Variants in COL5A1 observed in about 807,000 individuals in gnomAD.
The protein encoded by COL5A1 is collagen alpha-1(V) chain.
A neutral mutation model predicts 263.7 loss-of-function variants in COL5A1; 16 were observed. The observed-to-expected ratio is 0.06, with a 90% CI of 0.04 to 0.09. The LOEUF is 0.09. Ranked by LOEUF, COL5A1 falls within the 10% of genes least tolerant of loss-of-function variation. The pLI, the probability that COL5A1 is intolerant of heterozygous loss-of-function variation, is 1.00. For missense variants in COL5A1, 2,036 were observed against 2,540.5 expected (o/e 0.80, Z 4.27); for synonymous variants, 1,012 against 1,004.5 (o/e 1.01, Z -0.14).
intron 2 of COL5A1, among the ~76,000 whole-genome samples, chr9:134,693,507 T>C (rs1403893644): frequency 1.3e-5 from 2 of 152,114 alleles, no homozygotes; most frequent in African/African-American, 4.8e-5. Context: ...AATTGCCCCA[T>C]TCATGGCAGA....
In COL5A1 at chr9:134,809,257, C is replaced by A. The variant is rs755982747; in HGVS notation, c.3441C>A (p.Gly1147=). 5.0e-6 allele frequency: 8 copies of A among 1,608,700 alleles called. No individual in the cohort carries two copies. In the Admixed American group the frequency reaches 1.2e-4, roughly 24 times the overall value. Residue 1147 remains glycine, a synonymous_variant, in exon 43 of 66, where the codon GGC becomes GGA. Transcript: ENST00000371817. ...QGPVGLPGPA[G]PVGPPGEDGD... ...CTGTGGGGCTCCCGGGTCCAGCTGGCCCTGTGGGTCCCCCTGGAGAAGACG... is the reference window on the plus strand; with the variant it reads ...CTGTGGGGCTCCCGGGTCCAGCTGGACCTGTGGGTCCCCCTGGAGAAGACG...
At chr9:134,649,747 G>A (rs553443348) in intron 1 of COL5A1, among the ~76,000 whole-genome samples, 30 of 152,160 alleles carry the variant, frequency 2.0e-4, no homozygotes, top group Admixed American at 3.9e-4. Flanking sequence ...TGTTTATTGC[G>A]GCACTGTTCA....
intron 1 of COL5A1, among the ~76,000 whole-genome samples, chr9:134,649,785 A>T (rs1024432653): frequency 3.9e-5 from 6 of 152,198 alleles, no homozygotes; most frequent in Admixed American, 6.5e-5. Context: ...AACCAACCCA[A>T]ATGCCCATCA....
At chr9:134,723,394 G>T (rs1834537768) in intron 4 of COL5A1, among the ~76,000 whole-genome samples, 1 of 152,194 alleles carries the variant, frequency 6.6e-6, no homozygotes, top group Non-Finnish European at 1.5e-5. Context: ...TGGGCCTGAT[G>T]CCTGCAGGGA....
rs570630175 is a variant in COL5A1, at chr9:134,829,298, G to A, written c.5068-678G>A. ...TCCTCACATGGCCTCCAGTCTCTCC[G>A]AGGGCTGGGGCCAGGCTCCTCACAC... is the stretch of plus-strand genomic sequence containing the variant. On this transcript the variant is annotated intron_variant, in intron 63 of 65. Coordinates refer to ENST00000371817, the MANE Select transcript of COL5A1 (RefSeq NM_000093.5). Among the ~76,000 whole-genome samples the A allele has an allele frequency of 4.7e-3, 703 of 149,648 alleles. 8 individuals carry two copies. Among genetic ancestry groups the A allele is most frequent in the African/African-American group, 0.014 (562 of 39,900 alleles).
rs759464654 is a variant in COL5A1 at position 134,810,311 on chromosome 9, A to G, written c.3528+3A>G. The G allele has an allele frequency of 1.2e-6, 2 of 1,614,056 alleles. No homozygotes were observed. The highest frequency in any genetic ancestry group is 1.7e-5 in the Admixed American group (1 of 60,032). ...GCAAGGGGGACAAAGGAGAACAGGT[A>G]AGTATTGGCACGGGGGCGCGCGGCA... On this transcript the variant is annotated splice_donor_region_variant and intron_variant, in intron 44 of 65. Transcript: ENST00000371817.
intron 1 of COL5A1, among the ~76,000 whole-genome samples, chr9:134,651,342 G>C (rs1401259426): frequency 6.6e-6 from 1 of 152,092 alleles, no homozygotes; most frequent in Non-Finnish European, 1.5e-5. Flanking sequence ...CACCTCTACA[G>C]AAATTTCAGA....
intron 4 of COL5A1, among the ~76,000 whole-genome samples, chr9:134,722,305 G>A (rs1433260255): frequency 2.0e-5 from 3 of 152,312 alleles, no homozygotes; most frequent in East Asian, 1.9e-4. Context: ...TCAGAGCGCC[G>A]GGCACCTGGG....
chr9:134,759,181 G>C (rs1052068817), intron 18 of COL5A1, among the ~76,000 whole-genome samples: 2 of 151,704 alleles, frequency 1.3e-5, no homozygotes, highest in African/African-American at 4.9e-5. Context: ...GGACATACAG[G>C]CACATGAGTA....
At chr9:134,827,556 C>G (rs552121510) in intron 63 of COL5A1, among the ~76,000 whole-genome samples, 1 of 152,370 alleles carries the variant, frequency 6.6e-6, no homozygotes, top group Non-Finnish European at 1.5e-5. Context: ...AAATGGGTGG[C>G]CTTGCCGCTG....
Position 134,707,000 on chromosome 9 carries a change from T to C in COL5A1, c.654+5667T>C, listed in dbSNP as rs117824602. Among the ~76,000 whole-genome samples, 1,001 of 152,300 alleles carry C rather than the reference T, an allele frequency of 6.6e-3. 5 individuals are homozygous for C. The highest frequency in any genetic ancestry group is 0.014 in the Middle Eastern group (4 of 294). On this transcript the variant is annotated intron_variant, in intron 4 of 65. Transcript: ENST00000371817. ...TGATCCGGAGGGCTCCATGCACCTC[T>C]CTAGAGTCTCACCTCATCTATGGGC...
At position 134,647,558 on chromosome 9, in the gene COL5A1, C is replaced by T. The variant is rs1424556340; in HGVS notation, c.109+5262C>T. On this transcript the variant is annotated intron_variant, in intron 1 of 65. Coordinates refer to ENST00000371817, the MANE Select transcript of COL5A1 (RefSeq NM_000093.5). This position sits in a 1 kb window ranked among gnomAD's most constrained non-coding sequence, Gnocchi z 5.0. ...CCCTGGCTGACTCCACGTGCAGGGC[C>T]TGGTGTGTTTGAGGAGCTCGTGGCA... 6.6e-6 allele frequency among the ~76,000 whole-genome samples: 1 copy of T among 152,162 alleles called. No individual in the cohort carries two copies. Among genetic ancestry groups the T allele is most frequent in the Non-Finnish European group, 1.5e-5 (1 of 68,040 alleles).
chr9:134,745,358 A>G (rs1216361465), intron 11 of COL5A1, among the ~76,000 whole-genome samples: 1 of 152,236 alleles, frequency 6.6e-6, no homozygotes, highest in African/African-American at 2.4e-5. Context: ...CGCCAAGTGC[A>G]CTATGCTGTA....
rs1328044743 is a variant in COL5A1, at chr9:134,652,785, G to T, written c.109+10489G>T. On this transcript the variant is annotated intron_variant, in intron 1 of 65. Transcript: ENST00000371817. The surrounding 1 kb of genome is among the most constrained non-coding windows in gnomAD (Gnocchi z 4.4). ...GGCCGGGTCCAGCGTTTCTCCTCAT[G>T]GTGTAGACCAGCAGTTCCCAAACTT... is the stretch of plus-strand genomic sequence containing the variant. 6 of 467,068 alleles carry T rather than the reference G, an allele frequency of 1.3e-5. No homozygotes were observed. The highest frequency in any genetic ancestry group is 2.7e-5 in the Non-Finnish European group (6 of 224,688). The allele number at this position is 467,068 out of a possible 1,614,324, so 28.9% of individuals were successfully genotyped here. A position where few individuals can be genotyped will look rare whatever the true frequency, so the allele number is the denominator to read the frequency against.
intron 2 of COL5A1, among the ~76,000 whole-genome samples, chr9:134,691,436 C>T (rs904285898): frequency 3.3e-5 from 5 of 152,094 alleles, no homozygotes; most frequent in Non-Finnish European, 5.9e-5. Flanking sequence ...AGAGAAACCT[C>T]GGGGTCGTGG....
At chr9:134,799,645 C>G (rs1182012999) in intron 37 of COL5A1, among the ~76,000 whole-genome samples, 1 of 152,134 alleles carries the variant, frequency 6.6e-6, no homozygotes, top group Non-Finnish European at 1.5e-5. Flanking sequence ...TGAAAAAATC[C>G]CCTTTGTCTC....
chr9:134,703,737 A>T lies in COL5A1; in HGVS notation c.654+2404A>T, dbSNP rs867766231. On this transcript the variant is annotated intron_variant, in intron 4 of 65. Transcript: ENST00000371817. ...ACTGCAAGCTCTGCCTCCCGGGTTC[A>T]CGCCATTCTCCTGCCTCAGCCTCTC... 5.0e-5 allele frequency among the ~76,000 whole-genome samples: 7 copies of T among 139,808 alleles called. No individual in the cohort carries two copies. In the South Asian group the frequency reaches 1.6e-3, roughly 32 times the overall value. The allele number at this position is 139,808 out of a possible 152,430, so 91.7% of individuals were successfully genotyped here.
rs536036406 is a variant in COL5A1, at chr9:134,646,907, G to A, written c.109+4611G>A. 7.8e-4 allele frequency among the ~76,000 whole-genome samples: 119 copies of A among 152,346 alleles called. 1 individual carries two copies. The highest frequency in any genetic ancestry group is 1.5e-3 in the Non-Finnish European group (101 of 68,030). On this transcript the variant is annotated intron_variant, in intron 1 of 65. Transcript: ENST00000371817. Reference sequence around the variant, plus strand: ...TGTCGGATGGGCTGGGCGAGGACAAGTCACTGCACCTCAGCTTCCCCTCGT... The same window carrying A: ...TGTCGGATGGGCTGGGCGAGGACAAATCACTGCACCTCAGCTTCCCCTCGT...
intron 1 of COL5A1, among the ~76,000 whole-genome samples, chr9:134,685,186 T>TCCATCCATCCGTCCATCCATCCATCCA (rs1564386060): frequency 2.8e-4 from 1 of 3,548 alleles, no homozygotes; most frequent in African/African-American, 7.6e-4. Flanking sequence ...TCATTCATCC[T>TCCATCCATCCGTCCATCCATCCATCCA]TCCATCTGTC....
Sources: allele counts gnomAD v4.1 joint callset (sites outside exome capture counted in the v4.1 genomes callset), GRCh38; gene constraint gnomAD v4.1.1; non-coding constraint Gnocchi (gnomAD v3.1); transcripts MANE v1.5; gene names NCBI Gene and HGNC (gene_info 2026-07-23, HGNC 2026-07-21).